Variants in UGT2B7 observed in about 807,000 individuals in gnomAD.
UGT2B7 encodes the protein UDP glucuronosyltransferase family 2 member B7, also known as UDP-glucuronosyltransferase 2B7.
In UGT2B7, 51 loss-of-function variants were observed where a neutral mutation model predicts 51.9. The observed-to-expected ratio is 0.98, with a 90% CI of 0.78 to 1.24. UGT2B7 has a LOEUF of 1.24. Ranked by LOEUF, UGT2B7 falls within the 50% of genes most tolerant of loss-of-function variation. The pLI is 0.00. For missense variants in UGT2B7, 727 were observed against 628.4 expected (o/e 1.16, Z -1.68); for synonymous variants, 225 against 211.6 (o/e 1.06, Z -0.55).
upstream of UGT2B7, among the ~76,000 whole-genome samples, chr4:69,092,613 A>C (rs1430422021): frequency 6.6e-6 from 1 of 151,470 alleles, no homozygotes; most frequent in Non-Finnish European, 1.5e-5. Flanking sequence ...TATAAAACAT[A>C]AAATATGAAA....
In UGT2B7 at chr4:69,096,975, C is replaced by A. The variant is rs751686591; in HGVS notation, c.455C>A (p.Ala152Asp). The part of the protein sequence containing the change: ...ESRFDVIFAD[A>D]IFPCSELLAE... The stretch of plus-strand genomic sequence containing the variant: ...AGATTTGACGTCATTTTTGCAGATG[C>A]TATTTTTCCCTGTAGTGAGCTGCTG... The change falls in exon 1 of 6, where the codon GCT becomes GAT. Residue 152 changes from alanine (A) to aspartate (D), a missense_variant. Coordinates refer to ENST00000305231, the MANE Select transcript of UGT2B7 (RefSeq NM_001074.4). 1.7e-5 allele frequency: 28 copies of A among 1,613,508 alleles called. No homozygotes were observed. In the South Asian group the frequency reaches 3.1e-4, roughly 18 times the overall value.
Position 69,112,539 on chromosome 4 carries a change from G to T in UGT2B7, c.1393G>T (p.Glu465Ter). 1 of 1,613,954 alleles carries T rather than the reference G, an allele frequency of 6.2e-7. No individual in the cohort carries two copies. The highest frequency in any genetic ancestry group is 1.3e-5 in the African/African-American group (1 of 75,014). ...CCTGGATCGAGCAGTCTTCTGGATT[G>T]AATTTGTCATGCGCCACAAAGGAGC... ...KPLDRAVFWIEFVMRHKGAKH... is the reference protein window; with the variant it reads ...KPLDRAVFWI The change falls in exon 6 of 6, where the codon GAA (glutamate) becomes TAA (stop). Residue 465 changes from glutamate (E) to a stop codon, truncating the protein, a stop_gained. Coordinates refer to ENST00000305231, the MANE Select transcript of UGT2B7 (RefSeq NM_001074.4). LOFTEE classifies it high-confidence loss of function.
At chr4:69,102,433 G>A (rs1429543499) in intron 2 of UGT2B7, among the ~76,000 whole-genome samples, 1 of 152,100 alleles carries the variant, frequency 6.6e-6, no homozygotes, top group Non-Finnish European at 1.5e-5. Context: ...AATTAAAGCT[G>A]AGTGGTCCCA....
intron 1 of UGT2B7, among the ~76,000 whole-genome samples, chr4:69,073,953 A>G (rs924227364): frequency 6.6e-6 from 1 of 152,122 alleles, no homozygotes; most frequent in African/African-American, 2.4e-5. Flanking sequence ...TTTCAGAAAT[A>G]TCTGATTATT....
intron 2 of UGT2B7, among the ~76,000 whole-genome samples, chr4:69,090,395 T>A (rs1412503578): frequency 6.6e-6 from 1 of 152,016 alleles, no homozygotes. Flanking sequence ...AAACAAATTA[T>A]GTGACAAAAG....
At chr4:69,052,901 T>G (rs1718074240) in intron 1 of UGT2B7, among the ~76,000 whole-genome samples, 1 of 152,118 alleles carries the variant, frequency 6.6e-6, no homozygotes, top group Admixed American at 6.6e-5. Context: ...TTACCTACAT[T>G]AAAAGGTTAA....
chr4:69,102,175 A>G (rs1245058971), intron 2 of UGT2B7, among the ~76,000 whole-genome samples: 2 of 152,336 alleles, frequency 1.3e-5, no homozygotes, highest in South Asian at 2.1e-4. Flanking sequence ...GTTCTTAACC[A>G]CCAGCTTTTA....
chr4:69,084,612 C>T (rs1268188910), intron 1 of UGT2B7, among the ~76,000 whole-genome samples: 1 of 152,036 alleles, frequency 6.6e-6, no homozygotes, highest in East Asian at 1.9e-4. Flanking sequence ...TGCTCTCCCT[C>T]CTCTTTCCCC....
intron 1 of UGT2B7, among the ~76,000 whole-genome samples, chr4:69,069,103 A>T (rs775371120): frequency 5.0e-5 from 4 of 80,746 alleles, no homozygotes; most frequent in East Asian, 3.0e-4. Flanking sequence ...CAGATACTTT[A>T]AAAAAAAAAA....
At position 69,097,032 on chromosome 4, in the gene UGT2B7, G is replaced by C; in HGVS notation, c.512G>C (p.Ser171Thr). The C allele has an allele frequency of 6.2e-7, 1 of 1,613,836 alleles. No individual in the cohort carries two copies. Among genetic ancestry groups the C allele is most frequent in the African/African-American group, 1.3e-5 (1 of 75,036 alleles). The change falls in exon 1 of 6, where the codon AGT (serine) becomes ACT (threonine). Residue 171 changes from serine to threonine, a missense_variant. Transcript: ENST00000305231. ...AELFNIPFVY[S>T]LSFSPGYTFE... ...CTATTTAACATACCCTTTGTGTACA[G>C]TCTCAGCTTCTCTCCTGGCTACACT...
upstream of UGT2B7, among the ~76,000 whole-genome samples, chr4:69,096,111 C>T (rs1053290510): frequency 6.6e-6 from 1 of 152,142 alleles, no homozygotes; most frequent in African/African-American, 2.4e-5. Context: ...ATTTAAATTA[C>T]ATGTCAACAA....
intron 5 of UGT2B7, among the ~76,000 whole-genome samples, chr4:69,110,477 A>G (rs1030437305): frequency 6.7e-6 from 1 of 149,442 alleles, no homozygotes; most frequent in African/African-American, 2.5e-5. Context: ...ATAGAAGAAT[A>G]TTTATGACAG....
intron 3 of UGT2B7, among the ~76,000 whole-genome samples, chr4:69,105,602 GT>G (rs1275216091): frequency 6.6e-6 from 1 of 152,126 alleles, no homozygotes; most frequent in Non-Finnish European, 1.5e-5. Flanking sequence ...ACAATTTTGA[GT>G]TTTTTCAACA....
rs111541856 is a variant in UGT2B7, at chr4:69,106,852, CT to C, written c.1003-317del. On this transcript the variant is annotated intron_variant, in intron 3 of 5. Coordinates refer to ENST00000305231, the MANE Select transcript of UGT2B7 (RefSeq NM_001074.4). ...TTTGCATTTCTCTAATGATGTTAAGCTTTTTTCTTTTTTTTTTTCATATGAT... is the reference window on the plus strand; with the variant it reads ...TTTGCATTTCTCTAATGATGTTAAGCTTTTTCTTTTTTTTTTTCATATGAT... Among the ~76,000 whole-genome samples the C allele has an allele frequency of 6.4e-5, 9 of 141,260 alleles. No individual in the cohort carries two copies. In the East Asian group the frequency reaches 1.9e-3, roughly 30 times the overall value. The allele number at this position is 141,260 out of a possible 152,430, so 92.7% of individuals were successfully genotyped here.
At chr4:69,100,440 A>G (rs529147350) in intron 2 of UGT2B7, among the ~76,000 whole-genome samples, 1 of 152,204 alleles carries the variant, frequency 6.6e-6, no homozygotes, top group South Asian at 2.1e-4. Context: ...TTAATCTCTT[A>G]AAAGATCATT....
chr4:69,097,989 T>G (rs1719297123), intron 1 of UGT2B7, among the ~76,000 whole-genome samples: 1 of 152,038 alleles, frequency 6.6e-6, no homozygotes, highest in South Asian at 2.1e-4. Context: ...TATATTTACT[T>G]AAAAATATTA....
intron 1 of UGT2B7, among the ~76,000 whole-genome samples, chr4:69,086,294 C>T (rs563748713): frequency 6.6e-6 from 1 of 151,406 alleles, no homozygotes; most frequent in African/African-American, 2.4e-5. Context: ...GTACATGTTC[C>T]CATATTCTTT....
intron 1 of UGT2B7, among the ~76,000 whole-genome samples, chr4:69,061,143 G>A (rs1311288790): frequency 6.6e-6 from 1 of 152,242 alleles, no homozygotes; most frequent in Non-Finnish European, 1.5e-5. Context: ...AGAAAGCAAA[G>A]CTGATAGGTC....
At chr4:69,054,392 C>CA (rs1389977373) in intron 1 of UGT2B7, among the ~76,000 whole-genome samples, 1 of 152,140 alleles carries the variant, frequency 6.6e-6, no homozygotes, top group East Asian at 1.9e-4. Flanking sequence ...AACTCTTAGA[C>CA]AAAACCTAAA....
Sources: allele counts gnomAD v4.1 joint callset (sites outside exome capture counted in the v4.1 genomes callset), GRCh38; gene constraint gnomAD v4.1.1; transcripts MANE v1.5; gene names NCBI Gene and HGNC (gene_info 2026-07-23, HGNC 2026-07-21).